PRRG1: variants seen among roughly 807,000 people sequenced by gnomAD.
PRRG1 encodes proline rich and Gla domain 1.
PRRG1 carries 5 observed loss-of-function variants against 11.8 expected under a neutral mutation model. That is an observed-to-expected ratio of 0.42 (90% CI 0.22 to 0.89). The LOEUF (loss-of-function observed/expected upper bound fraction) is 0.89, where lower values mean the gene tolerates loss of function less well. Ranked by LOEUF, PRRG1 falls within the 40% of genes least tolerant of loss-of-function variation. PRRG1 has a pLI of 0.28. For synonymous variants in PRRG1, 66 were observed against 60.4 expected (o/e 1.09, Z -0.43); for missense variants, 155 against 166.1 (o/e 0.93, Z 0.37).
intron 1 of PRRG1, among the ~76,000 whole-genome samples, chrX:37,366,394 G>A (rs1930571186): frequency 8.9e-6 from 1 of 112,143 alleles, no homozygotes; most frequent in African/African-American, 3.2e-5. Flanking sequence ...ATTTTCTTGG[G>A]TTTAGTTTAG....
chrX:37,392,614 C>T (rs1200668084), intron 1 of PRRG1, among the ~76,000 whole-genome samples: 2 of 100,956 alleles, frequency 2.0e-5, no homozygotes, highest in Admixed American at 2.2e-4. Flanking sequence ...GCCGTGATCA[C>T]GCCACTGCAC....
At chrX:37,403,436 A>C (rs7882168) in intron 1 of PRRG1, among the ~76,000 whole-genome samples, 1 of 88,867 alleles carries the variant, frequency 1.1e-5, no homozygotes, top group Non-Finnish European at 2.1e-5. Flanking sequence ...CAGTGAGAAC[A>C]CATGGACACA....
intron 1 of PRRG1, chrX:37,403,719 G>C: frequency 2.7e-6 from 2 of 750,593 alleles, no homozygotes. Context: ...GAAGGGACCA[G>C]AGACTAGAAC....
At chrX:37,426,555 A>G (rs1192048393) in intron 3 of PRRG1, among the ~76,000 whole-genome samples, 2 of 111,892 alleles carry the variant, frequency 1.8e-5, no homozygotes, top group African/African-American at 6.5e-5. Flanking sequence ...AGAGGTAGCC[A>G]TTGTATAAAG....
chrX:37,350,460 A>G (rs782109828), intron 1 of PRRG1, among the ~76,000 whole-genome samples: 2 of 111,751 alleles, frequency 1.8e-5, no homozygotes, highest in East Asian at 5.6e-4. Context: ...GATTGTTTCA[A>G]TCAAGAGTGG....
intron 1 of PRRG1, among the ~76,000 whole-genome samples, chrX:37,353,930 A>T (rs782553559): frequency 1.2e-3 from 130 of 112,633 alleles, no homozygotes; most frequent in African/African-American, 3.8e-3. Context: ...TAGTGCTTTT[A>T]AAATGTTAGC....
At chrX:37,413,758 G>A (rs782760995) in intron 2 of PRRG1, among the ~76,000 whole-genome samples, 89 of 111,793 alleles carry the variant, frequency 8.0e-4, no homozygotes, top group African/African-American at 2.7e-3. Flanking sequence ...GCTGCATAAT[G>A]ATGTTTTCTT....
Position 37,351,505 on chromosome X carries a change from A to AG in PRRG1, c.-42+2110_-42+2111insG, listed in dbSNP as rs1556364886. ...GCGAGACTCCGTCTCAAAAAAAAAA[A>AG]AAAGAAAGAAAGAAAGAAAAAAAAG... is the stretch of plus-strand genomic sequence containing the variant. On this transcript the variant is annotated intron_variant, in intron 1 of 3. Coordinates refer to ENST00000378628, the MANE Select transcript of PRRG1 (RefSeq NM_001142395.2). Among the ~76,000 whole-genome samples the AG allele has an allele frequency of 2.5e-4, 28 of 111,572 alleles. 1 individual carries two copies. The highest frequency in any genetic ancestry group is 7.8e-4 in the African/African-American group (24 of 30,714).
chrX:37,444,340 T>C (rs1556394605), intron 3 of PRRG1, among the ~76,000 whole-genome samples: 1 of 112,071 alleles, frequency 8.9e-6, no homozygotes, highest in Non-Finnish European at 1.9e-5. Flanking sequence ...GGATTCTTCT[T>C]ACTTTCATAC....
intron 3 of PRRG1, among the ~76,000 whole-genome samples, chrX:37,435,709 C>T (rs1556391800): frequency 9.1e-6 from 1 of 110,322 alleles, no homozygotes; most frequent in Non-Finnish European, 1.9e-5. Flanking sequence ...TGACTACTAT[C>T]AAAACAGTCA....
At chrX:37,434,786 A>T (rs1024297019) in intron 3 of PRRG1, among the ~76,000 whole-genome samples, 13 of 112,079 alleles carry the variant, frequency 1.2e-4, no homozygotes, top group Non-Finnish European at 2.4e-4. Context: ...TCATTATTTC[A>T]CCACTATCAC....
intron 1 of PRRG1, among the ~76,000 whole-genome samples, chrX:37,354,387 A>AT (rs1930168849): frequency 9.5e-6 from 1 of 105,352 alleles, no homozygotes; most frequent in Non-Finnish European, 2.0e-5. Context: ...TTTTATTTTT[A>AT]TTTTTTTATT....
At position 37,454,591 on chromosome X, in the gene PRRG1, T is replaced by TA. The variant is rs1256441791; in HGVS notation, c.*971dup. On this transcript the variant is annotated 3_prime_UTR_variant, in exon 4 of 4. Coordinates refer to ENST00000378628, the MANE Select transcript of PRRG1 (RefSeq NM_001142395.2). ...TTAGTTAAAATAAAATTTTTGAAATTATTGTCTTAATATTTTTATATAGGC... is the reference window on the plus strand; with the variant it reads ...TTAGTTAAAATAAAATTTTTGAAATTAATTGTCTTAATATTTTTATATAGGC... 1.8e-5 allele frequency: 2 copies of TA among 112,095 alleles called. No individual in the cohort carries two copies. The highest frequency in any genetic ancestry group is 5.6e-4 in the East Asian group (2 of 3,593). The allele number at this position is 112,095 out of a possible 1,213,427, so 9.2% of individuals were successfully genotyped here.
intron 1 of PRRG1, among the ~76,000 whole-genome samples, chrX:37,370,787 C>T (rs1321967409): frequency 8.9e-6 from 1 of 111,960 alleles, no homozygotes; most frequent in Non-Finnish European, 1.9e-5. Flanking sequence ...GCTCCTGCTG[C>T]CTGGCCTTTC....
At chrX:37,423,204 ATTAATT>A in intron 2 of PRRG1, among the ~76,000 whole-genome samples, 1 of 111,178 alleles carries the variant, frequency 9.0e-6, no homozygotes, top group Middle Eastern at 4.6e-3. Flanking sequence ...TTTTTAATTA[ATTAATT>A]TTAATTTTTA....
At position 37,456,533 on chromosome X, in the gene PRRG1, T is replaced by C. The variant is rs1921363833; in HGVS notation, c.*2912T>C. 1 of 112,328 alleles carries C rather than the reference T, an allele frequency of 8.9e-6. No individual in the cohort carries two copies. Among genetic ancestry groups the C allele is most frequent in the Non-Finnish European group, 1.9e-5 (1 of 53,254 alleles). The allele number at this position is 112,328 out of a possible 1,213,427, so 9.3% of individuals were successfully genotyped here. A position where few individuals can be genotyped will look rare whatever the true frequency, so the allele number is the denominator to read the frequency against. Reference sequence around the variant, plus strand: ...GCTCTATCAGCCACAGATCTCATGGTGGCTGTTGCATGATAATGATAGGAT... The same window carrying C: ...GCTCTATCAGCCACAGATCTCATGGCGGCTGTTGCATGATAATGATAGGAT... On this transcript the variant is annotated 3_prime_UTR_variant, in exon 4 of 4. Transcript: ENST00000378628.
intron 1 of PRRG1, among the ~76,000 whole-genome samples, chrX:37,390,653 A>G (rs997041354): frequency 1.9e-4 from 21 of 111,955 alleles, no homozygotes; most frequent in African/African-American, 6.5e-4. Context: ...TGTCCTCATC[A>G]CTGTAGACAC....
At chrX:37,430,439 T>G (rs1932815391) in intron 3 of PRRG1, among the ~76,000 whole-genome samples, 1 of 112,032 alleles carries the variant, frequency 8.9e-6, no homozygotes, top group South Asian at 3.7e-4. Flanking sequence ...ATTCTACTTT[T>G]GTAGAGATGT....
At chrX:37,406,130 C>A in intron 1 of PRRG1, 79 bp from the exon 2 acceptor site, 1 of 860,412 alleles carries the variant, frequency 1.2e-6, no homozygotes, top group Non-Finnish European at 1.7e-6. Context: ...TTGACCACAT[C>A]AGCTGTACTG....
Sources: gnomAD v4.1 joint callset for allele counts (sites outside exome capture counted in the v4.1 genomes callset) on GRCh38, gnomAD v4.1.1 for gene constraint, MANE v1.5 for transcripts, NCBI Gene and HGNC (gene_info 2026-07-23, HGNC 2026-07-21) for gene names.